RUNX2: variants seen among roughly 807,000 people sequenced by gnomAD.
RUNX2 encodes RUNX family transcription factor 2, also known as runt-related transcription factor 2.
In RUNX2, 10 loss-of-function variants were observed where a neutral mutation model predicts 51.7. That is an observed-to-expected ratio of 0.19 (90% confidence interval 0.12 to 0.33). RUNX2 has a LOEUF of 0.33. Among genes scored for constraint, RUNX2 ranks in the 10% least tolerant of loss-of-function variants. RUNX2 has a pLI of 1.00. For missense variants in RUNX2, 562 were observed against 691.3 expected (o/e 0.81, Z 2.10); for synonymous variants, 276 against 273.6 (o/e 1.01, Z -0.09).
At chr6:45,401,967 T>C (rs756068402) in intron 2 of RUNX2, among the ~76,000 whole-genome samples, 59 of 152,364 alleles carry the variant, frequency 3.9e-4, no homozygotes, top group Non-Finnish European at 7.8e-4. Flanking sequence ...CCTAGTGTCT[T>C]GGGTTCTAGA....
intron 6 of RUNX2, among the ~76,000 whole-genome samples, chr6:45,505,374 T>TC (rs1800934537): frequency 6.6e-6 from 1 of 152,000 alleles, no homozygotes; most frequent in African/African-American, 2.4e-5. Context: ...TTTTTTTTTT[T>TC]TTCTTTTCTG....
chr6:45,342,979 A>C (rs1336600163), intron 2 of RUNX2, among the ~76,000 whole-genome samples: 1 of 152,204 alleles, frequency 6.6e-6, no homozygotes, highest in African/African-American at 2.4e-5. Context: ...CATAACCCTG[A>C]GCAACCAACA....
chr6:45,392,314 G>A (rs898394155), intron 2 of RUNX2, among the ~76,000 whole-genome samples: 1 of 152,098 alleles, frequency 6.6e-6, no homozygotes, highest in Non-Finnish European at 1.5e-5. Context: ...AGACCAGCCT[G>A]GGCAACATTT....
chr6:45,380,986 T>G (rs1299267341), intron 2 of RUNX2, among the ~76,000 whole-genome samples: 1 of 152,224 alleles, frequency 6.6e-6, no homozygotes, highest in African/African-American at 2.4e-5. Flanking sequence ...TGGGGACTTT[T>G]TATTTTCTAT....
intron 2 of RUNX2, among the ~76,000 whole-genome samples, chr6:45,415,539 G>C (rs1396625970): frequency 6.6e-6 from 1 of 152,184 alleles, no homozygotes; most frequent in African/African-American, 2.4e-5. Flanking sequence ...AGGGTGCTGG[G>C]GGAAACTTCT....
intron 2 of RUNX2, among the ~76,000 whole-genome samples, chr6:45,373,033 C>G (rs1002279576): frequency 6.6e-6 from 1 of 152,110 alleles, no homozygotes; most frequent in Non-Finnish European, 1.5e-5. Flanking sequence ...TCTCAAACTC[C>G]TGACCTCAGG....
In RUNX2 at chr6:45,434,176, A is replaced by C. The variant is rs539134597; in HGVS notation, c.580+2157A>C. On this transcript the variant is annotated intron_variant, in intron 4 of 8. Coordinates refer to ENST00000647337, the MANE Select transcript of RUNX2 (RefSeq NM_001024630.4). ...AGATGAAGAGGAAAAAAGGACAGAG[A>C]ACACTGATAACAGATCACACTCTGA... 2.0e-5 allele frequency among the ~76,000 whole-genome samples: 3 copies of C among 152,300 alleles called. No individual in the cohort carries two copies. The South Asian group carries it at 6.2e-4, about 32-fold the overall frequency.
At chr6:45,423,110 G>A (rs536983858) in intron 3 of RUNX2, among the ~76,000 whole-genome samples, 153 bp downstream of exon 3, 1 of 146,952 alleles carries the variant, frequency 6.8e-6, no homozygotes, top group East Asian at 2.0e-4. Flanking sequence ...GCCTCCCTCC[G>A]GATGCCCTGG....
At position 45,547,145 on chromosome 6, in the gene RUNX2, T is replaced by C; in HGVS notation, c.1406T>C (p.Met469Thr). 1 of 1,614,140 alleles carries C rather than the reference T, an allele frequency of 6.2e-7. No individual in the cohort carries two copies. The highest frequency in any genetic ancestry group is 8.5e-7 in the Non-Finnish European group (1 of 1,180,020). Residue 469 changes from methionine to threonine, a missense_variant, in exon 9 of 9, where the codon ATG becomes ACG. Coordinates refer to ENST00000647337, the MANE Select transcript of RUNX2 (RefSeq NM_001024630.4). ...GGGGGAGACCGGTCTCCTTCCAGAATGCTTCCGCCATGCACCACCACCTCG... is the reference window on the plus strand; with the variant it reads ...GGGGGAGACCGGTCTCCTTCCAGAACGCTTCCGCCATGCACCACCACCTCG... ...VPGGDRSPSR[M>T]LPPCTTTSNG...
chr6:45,429,243 C>G (rs1157381413), intron 3 of RUNX2, among the ~76,000 whole-genome samples: 1 of 152,118 alleles, frequency 6.6e-6, no homozygotes. Flanking sequence ...CTCTTCTAAA[C>G]AGTACAACTT....
intron 2 of RUNX2, chr6:45,422,384 C>A: frequency 3.6e-6 from 2 of 559,144 alleles, no homozygotes; most frequent in Non-Finnish European, 3.2e-6. Context: ...TGCGCCGCAT[C>A]GCCAGACTCT....
intron 2 of RUNX2, among the ~76,000 whole-genome samples, chr6:45,419,921 G>A (rs1479041760): frequency 2.0e-5 from 3 of 152,152 alleles, no homozygotes; most frequent in Non-Finnish European, 4.4e-5. Flanking sequence ...GCTGTGGGGC[G>A]GGAGGGGCGC....
At chr6:45,522,019 T>C (rs575692143) in intron 7 of RUNX2, among the ~76,000 whole-genome samples, 3 of 152,368 alleles carry the variant, frequency 2.0e-5, no homozygotes, top group East Asian at 3.9e-4. Flanking sequence ...GGTTTTACCT[T>C]ATTTAATTCA....
intron 2 of RUNX2, among the ~76,000 whole-genome samples, chr6:45,358,517 T>G (rs939056993): frequency 6.6e-6 from 1 of 152,212 alleles, no homozygotes; most frequent in African/African-American, 2.4e-5. Context: ...GAATTACTTT[T>G]TATAAACTCC....
At chr6:45,398,955 C>T (rs986459396) in intron 2 of RUNX2, among the ~76,000 whole-genome samples, 3 of 152,226 alleles carry the variant, frequency 2.0e-5, no homozygotes, top group African/African-American at 4.8e-5. Flanking sequence ...CTCTTGAGGG[C>T]TGTATTCTCT....
intron 5 of RUNX2, among the ~76,000 whole-genome samples, chr6:45,478,252 C>A (rs1800012384): frequency 6.6e-6 from 1 of 152,116 alleles, no homozygotes; most frequent in Non-Finnish European, 1.5e-5. Context: ...ACCGTGAGCA[C>A]CCTAGTTTAG....
chr6:45,391,286 T>C (rs1363208914), intron 2 of RUNX2, among the ~76,000 whole-genome samples: 1 of 152,138 alleles, frequency 6.6e-6, no homozygotes, highest in Non-Finnish European at 1.5e-5. Flanking sequence ...GCTCTTGCTG[T>C]TAGTTTATAT....
chr6:45,466,438 C>A (rs1799631972), intron 5 of RUNX2, among the ~76,000 whole-genome samples: 1 of 152,162 alleles, frequency 6.6e-6, no homozygotes, highest in South Asian at 2.1e-4. Context: ...AGGTAGTGTG[C>A]CCAAGTCCTC....
chr6:45,485,681 G>A (rs1800255653), intron 5 of RUNX2, among the ~76,000 whole-genome samples: 1 of 89,526 alleles, frequency 1.1e-5, no homozygotes, highest in Non-Finnish European at 2.4e-5. Context: ...GTATGTGTGT[G>A]TGTGTGTGTG....
Sources: gnomAD v4.1 joint callset for allele counts (sites outside exome capture counted in the v4.1 genomes callset) on GRCh38, gnomAD v4.1.1 for gene constraint, MANE v1.5 for transcripts, NCBI Gene and HGNC (gene_info 2026-07-23, HGNC 2026-07-21) for gene names.